The following ASIC2 variants were observed in gnomAD, a reference collection of about 807,000 sequenced individuals.
ASIC2 encodes acid-sensing ion channel 2.
ASIC2 carries 25 observed loss-of-function variants against 57.3 expected under a neutral mutation model. The ratio of observed to expected loss-of-function variants is 0.44; its 90% CI spans 0.32 to 0.61. The LOEUF (loss-of-function observed/expected upper bound fraction) is 0.61. Among genes scored for constraint, ASIC2 ranks in the 20% least tolerant of loss-of-function variants. ASIC2 has a pLI of 0.06. For synonymous variants in ASIC2, 319 were observed against 307.5 expected (o/e 1.04, Z -0.39); for missense variants, 641 against 738.1 (o/e 0.87, Z 1.52).
intron 1 of ASIC2, among the ~76,000 whole-genome samples, chr17:34,014,463 CT>C (rs1049960825): frequency 1.3e-5 from 2 of 152,142 alleles, no homozygotes; most frequent in African/African-American, 2.4e-5. Flanking sequence ...TGTAACCTCC[CT>C]GAGCAGAATG....
At chr17:33,374,396 G>A (rs1909200372) in intron 1 of ASIC2, among the ~76,000 whole-genome samples, 1 of 152,008 alleles carries the variant, frequency 6.6e-6, no homozygotes. Flanking sequence ...ACCCCCAAGA[G>A]GTGGACTCAG....
intron 1 of ASIC2, among the ~76,000 whole-genome samples, chr17:33,799,439 T>TTTCTTCC (rs1555562526): frequency 1.0e-4 from 6 of 59,048 alleles, no homozygotes; most frequent in African/African-American, 3.6e-4. Flanking sequence ...TCTTTCTTTC[T>TTTCTTCC]TTCTTTCTTT....
At chr17:34,155,742 C>A in intron 1 of ASIC2, 1 of 517,990 alleles carries the variant, frequency 1.9e-6, no homozygotes. Flanking sequence ...GATCCCCCAC[C>A]GCAAGCCCCC....
intron 1 of ASIC2, among the ~76,000 whole-genome samples, chr17:33,216,103 A>G (rs1907475108): frequency 6.6e-6 from 1 of 152,234 alleles, no homozygotes; most frequent in Admixed American, 6.5e-5. Context: ...CTAAAATTCC[A>G]TAAACTATTC....
intron 1 of ASIC2, among the ~76,000 whole-genome samples, chr17:33,886,932 C>T (rs7220950): frequency 0.17 from 25,642 of 151,842 alleles, 2,277 homozygotes; most frequent in African/African-American, 0.23. Flanking sequence ...ATACCAAAGG[C>T]AGAAAACAAA....
At chr17:33,132,748 C>T (rs1024041492) in intron 1 of ASIC2, among the ~76,000 whole-genome samples, 3 of 152,186 alleles carry the variant, frequency 2.0e-5, no homozygotes, top group Non-Finnish European at 4.4e-5. Flanking sequence ...AGGGCTGTCT[C>T]ATGTCTGGCC....
intron 1 of ASIC2, among the ~76,000 whole-genome samples, chr17:33,508,425 C>T (rs1914328508): frequency 6.6e-6 from 1 of 152,180 alleles, no homozygotes; most frequent in South Asian, 2.1e-4. Context: ...TTATCTCGGG[C>T]TACCACCTGC....
intron 2 of ASIC2, among the ~76,000 whole-genome samples, chr17:33,095,057 G>T (rs1273149909): frequency 6.6e-6 from 1 of 152,158 alleles, no homozygotes; most frequent in Admixed American, 6.5e-5. Flanking sequence ...GTTCTTCATA[G>T]AGCTGTTGTG....
intron 3 of ASIC2, among the ~76,000 whole-genome samples, chr17:33,056,328 AG>A (rs1407802419): frequency 1.3e-5 from 2 of 152,258 alleles, no homozygotes; most frequent in African/African-American, 4.8e-5. Context: ...AATTAACAAT[AG>A]AACTTGGAAA....
intron 1 of ASIC2, among the ~76,000 whole-genome samples, chr17:33,898,220 C>CTTTTT (rs771624171): frequency 0.018 from 1,216 of 66,130 alleles, 321 homozygotes; most frequent in Non-Finnish European, 0.021. Flanking sequence ...CATGTATAAT[C>CTTTTT]TTTTTTTTTT....
At chr17:33,695,891 A>G (rs892296556) in intron 1 of ASIC2, among the ~76,000 whole-genome samples, 1 of 152,246 alleles carries the variant, frequency 6.6e-6, no homozygotes, top group African/African-American at 2.4e-5. Context: ...TAATTTACTT[A>G]TTATGTTTTG....
rs964439578 is a variant in ASIC2 at position 34,075,810 on chromosome 17, CT to C, written c.555+80167del. ...CCAGACATCCTCACCTCTTTCAAGTCTTTTTCTTTTTCCTTTTTTTTTTTTT... is the reference window on the plus strand; with the variant it reads ...CCAGACATCCTCACCTCTTTCAAGTCTTTTCTTTTTCCTTTTTTTTTTTTT... On this transcript the variant is annotated intron_variant, in intron 1 of 9. Transcript: ENST00000359872. Among the ~76,000 whole-genome samples the C allele has an allele frequency of 3.7e-3, 520 of 141,590 alleles. 3 individuals are homozygous for C. Among genetic ancestry groups the C allele is most frequent in the African/African-American group, 0.013 (482 of 38,404 alleles). The allele number at this position is 141,590 out of a possible 152,430, so 92.9% of individuals were successfully genotyped here. A position where few individuals can be genotyped will look rare whatever the true frequency, so the allele number is the denominator to read the frequency against.
At chr17:33,125,624 T>C (rs901586380) in intron 1 of ASIC2, among the ~76,000 whole-genome samples, 5 of 152,280 alleles carry the variant, frequency 3.3e-5, no homozygotes, top group Admixed American at 6.5e-5. Flanking sequence ...TCATGAGCTA[T>C]AAGAAATGAA....
intron 1 of ASIC2, among the ~76,000 whole-genome samples, chr17:33,948,347 G>A (rs574606509): frequency 4.6e-5 from 7 of 152,322 alleles, no homozygotes; most frequent in South Asian, 4.1e-4. Context: ...CCAGGCTCCC[G>A]CAGGAGCCTC....
chr17:33,283,219 T>A (rs1271661379), intron 1 of ASIC2, among the ~76,000 whole-genome samples: 1 of 152,202 alleles, frequency 6.6e-6, no homozygotes, highest in Non-Finnish European at 1.5e-5. Context: ...TCATCCCACA[T>A]GCACTTTTAT....
At chr17:33,054,668 C>G (rs1234925072) in intron 3 of ASIC2, among the ~76,000 whole-genome samples, 1 of 152,142 alleles carries the variant, frequency 6.6e-6, no homozygotes, top group African/African-American at 2.4e-5. Context: ...GCGTCTCGGG[C>G]GTTCCAGCAC....
intron 1 of ASIC2, among the ~76,000 whole-genome samples, chr17:33,416,068 G>C (rs1405362381): frequency 2.0e-5 from 3 of 152,204 alleles, no homozygotes; most frequent in Non-Finnish European, 4.4e-5. Context: ...GCTGAAGTGT[G>C]TTGGGGGTGG....
chr17:33,803,895 G>C (rs988946819), intron 1 of ASIC2, among the ~76,000 whole-genome samples: 13 of 152,178 alleles, frequency 8.5e-5, no homozygotes, highest in Non-Finnish European at 1.6e-4. Flanking sequence ...AAGATTGCCA[G>C]TGTGGGGTGG....
chr17:33,141,815 C>T (rs1489317919), intron 1 of ASIC2, among the ~76,000 whole-genome samples: 1 of 152,212 alleles, frequency 6.6e-6, no homozygotes, highest in Admixed American at 6.5e-5. Context: ...CATCATGTTT[C>T]CATGCGTGAA....
Sources: allele counts gnomAD v4.1 joint callset (sites outside exome capture counted in the v4.1 genomes callset), GRCh38; gene constraint gnomAD v4.1.1; transcripts MANE v1.5; gene names NCBI Gene and HGNC (gene_info 2026-07-23, HGNC 2026-07-21).